Variants in GSE1 observed in about 807,000 individuals in gnomAD.
GSE1 encodes genetic suppressor element 1.
A neutral mutation model predicts 112.6 loss-of-function variants in GSE1; 32 were observed. The observed-to-expected ratio is 0.28, with a 90% CI of 0.21 to 0.38. The LOEUF is 0.38. Ranked by LOEUF, GSE1 falls within the 10% of genes least tolerant of loss-of-function variation. The pLI, the probability that GSE1 is intolerant of heterozygous loss-of-function variation, is 1.00. For missense variants in GSE1, 2,348 were observed against 1,699.2 expected (o/e 1.38, Z -6.71); for synonymous variants, 1,115 against 735.6 (o/e 1.52, Z -8.35).
At chr16:85,580,537 G>T (rs1297538639) in intron 1 of GSE1, among the ~76,000 whole-genome samples, 1 of 152,196 alleles carries the variant, frequency 6.6e-6, no homozygotes, top group Admixed American at 6.5e-5. Context: ...TTTGAGACAT[G>T]CCCCAGCGAT....
At chr16:85,344,313 G>T (rs1001872383) in intron 1 of GSE1, among the ~76,000 whole-genome samples, 1 of 152,186 alleles carries the variant, frequency 6.6e-6, no homozygotes, top group Admixed American at 6.5e-5. Flanking sequence ...GGACTCCTAG[G>T]CAGTTGGCAA....
At chr16:85,389,587 G>C (rs1255577091) in intron 2 of GSE1, among the ~76,000 whole-genome samples, 1 of 152,096 alleles carries the variant, frequency 6.6e-6, no homozygotes, top group Non-Finnish European at 1.5e-5. Flanking sequence ...TCTTCCCGTG[G>C]CCATGTCTCT....
chr16:85,371,846 C>A (rs2047307913), intron 2 of GSE1, among the ~76,000 whole-genome samples: 1 of 152,200 alleles, frequency 6.6e-6, no homozygotes, highest in Admixed American at 6.5e-5. Context: ...TGGTGCCAAG[C>A]CTAGAACCTG....
intron 2 of GSE1, among the ~76,000 whole-genome samples, chr16:85,637,843 C>T (rs532271932): frequency 7.9e-5 from 12 of 151,790 alleles, no homozygotes; most frequent in Admixed American, 2.0e-4. Flanking sequence ...CAAGCCCCAG[C>T]GGGCTAGCGG....
At chr16:85,334,780 G>A (rs764064795) in intron 1 of GSE1, among the ~76,000 whole-genome samples, 10 of 152,212 alleles carry the variant, frequency 6.6e-5, no homozygotes, top group Non-Finnish European at 1.2e-4. Flanking sequence ...ATTCACTGCC[G>A]GTTATTCTGA....
In GSE1 at chr16:85,437,405, AAGACCCGGG is replaced by A. The variant is rs11275444; in HGVS notation, c.2464+79763_2464+79771del. ...TATTTCTAGAAAGCAGGATGTTGCC[AAGACCCGGG>A]GCCTCCTGCTGGACCGGGAGGCAGC... On this transcript the variant is annotated intron_variant, in intron 2 of 2. Coordinates refer to the GSE1 transcript ENST00000637419. Among the ~76,000 whole-genome samples, 638 of 152,298 alleles carry A rather than the reference AAGACCCGGG, an allele frequency of 4.2e-3. 4 individuals are homozygous for A. The highest frequency in any genetic ancestry group is 0.015 in the African/African-American group (610 of 41,550).
chr16:85,260,443 G>A (rs924489727), intron 1 of GSE1, among the ~76,000 whole-genome samples: 36 of 148,262 alleles, frequency 2.4e-4, no homozygotes, highest in Admixed American at 1.6e-3. Context: ...CTGCTTCAGC[G>A]TCCCAAGTCG....
chr16:85,339,053 C>T (rs2046566205), intron 1 of GSE1, among the ~76,000 whole-genome samples: 1 of 152,212 alleles, frequency 6.6e-6, no homozygotes, highest in African/African-American at 2.4e-5. Flanking sequence ...CTGTGACTGT[C>T]ATGGGCAGGT....
intron 1 of GSE1, among the ~76,000 whole-genome samples, chr16:85,213,007 A>G (rs960729420): frequency 1.3e-5 from 2 of 151,936 alleles, no homozygotes; most frequent in African/African-American, 4.8e-5. Flanking sequence ...GTGGTGGCTC[A>G]CTCCTGTAAT....
Position 85,634,278 on chromosome 16 carries a change from G to C in GSE1, c.226+146G>C, listed in dbSNP as rs540823524. On this transcript the variant is annotated intron_variant, in intron 2 of 15. Transcript: ENST00000253458. The stretch of plus-strand genomic sequence containing the variant: ...GCATGGAGCAGGCAGTGCTGGCTGA[G>C]CTACAGACCCTGGGCCAGTCCGCCT... The C allele has an allele frequency of 5.0e-6, 3 of 595,802 alleles. No individual in the cohort carries two copies. The East Asian group carries it at 1.1e-4, about 21-fold the overall frequency. The allele number at this position is 595,802 out of a possible 1,614,324, so 36.9% of individuals were successfully genotyped here. A position where few individuals can be genotyped will look rare whatever the true frequency, so the allele number is the denominator to read the frequency against.
At position 85,615,520 on chromosome 16, in the gene GSE1, C is replaced by T. The variant is rs141704859; in HGVS notation, c.7+2122C>T. On this transcript the variant is annotated intron_variant, in intron 1 of 15. Transcript: ENST00000253458. ...GGTTTTGACGCTTGGAGTTTTCTTT[C>T]CTGGAGCCTTGGGGGCGGTGCCGGG... Among the ~76,000 whole-genome samples the T allele has an allele frequency of 5.9e-4, 89 of 151,772 alleles. 1 individual carries two copies. Among genetic ancestry groups the T allele is most frequent in the African/African-American group, 1.9e-3 (76 of 41,072 alleles).
At chr16:85,242,177 C>A (rs141600605) in intron 1 of GSE1, among the ~76,000 whole-genome samples, 1 of 152,190 alleles carries the variant, frequency 6.6e-6, no homozygotes, top group African/African-American at 2.4e-5. Flanking sequence ...CAGAGGCCCT[C>A]GCTTCCTCTC....
At position 85,661,536 on chromosome 16, in the gene GSE1, G is replaced by C. The variant is rs2052432433; in HGVS notation, c.2031G>C (p.Glu677Asp). Residue 677 changes from glutamate (E) to aspartate (D), a missense_variant, in exon 9 of 16, where the codon GAG becomes GAC. Physicochemically the swap from Glu to Asp is conservative, Grantham distance 45. Coordinates refer to ENST00000253458, the MANE Select transcript of GSE1 (RefSeq NM_014615.5). ...CCGGGCCCGGGCCCTTCCTGGCTGA[G>C]CTCGAGAAGTCCACCCAGACCATCC... ...FLPGPGPFLAELEKSTQTILG... is the reference protein window; with the variant it reads ...FLPGPGPFLADLEKSTQTILG... 2 of 1,612,012 alleles carry C rather than the reference G, an allele frequency of 1.2e-6. No homozygotes were observed. The highest frequency in any genetic ancestry group is 1.7e-6 in the Non-Finnish European group (2 of 1,179,724).
In GSE1 at chr16:85,675,451, G is replaced by C. The variant is rs533294704; in HGVS notation, c.*2912G>C. The C allele has an allele frequency of 6.6e-6, 1 of 152,210 alleles. No homozygotes were observed. Among genetic ancestry groups the C allele is most frequent in the African/African-American group, 2.4e-5 (1 of 41,448 alleles). The allele number at this position is 152,210 out of a possible 1,614,324, so 9.4% of individuals were successfully genotyped here. A position where few individuals can be genotyped will look rare whatever the true frequency, so the allele number is the denominator to read the frequency against. The stretch of plus-strand genomic sequence containing the variant: ...TGTCTCAGATAAGTGACCAAGACGG[G>C]ACTTTCCACATTTTAGTCTACATTC... On this transcript the variant is annotated 3_prime_UTR_variant, in exon 16 of 16. Transcript: ENST00000253458.
chr16:85,648,916 C>T (rs1410925525), intron 3 of GSE1, among the ~76,000 whole-genome samples, 165 bp downstream of exon 3: 1 of 152,146 alleles, frequency 6.6e-6, no homozygotes, highest in Non-Finnish European at 1.5e-5. Context: ...GTGACAGCGG[C>T]ACCCTCCTGG....
At chr16:85,281,124 G>A (rs1167441453) in intron 1 of GSE1, among the ~76,000 whole-genome samples, 8 of 152,086 alleles carry the variant, frequency 5.3e-5, no homozygotes, top group Non-Finnish European at 1.5e-5. Context: ...CGATGCAAAC[G>A]GCCTCTCTCA....
At chr16:85,186,354 C>T (rs1397027374) in intron 1 of GSE1, among the ~76,000 whole-genome samples, 1 of 152,082 alleles carries the variant, frequency 6.6e-6, no homozygotes, top group Non-Finnish European at 1.5e-5. Context: ...CCTGTAATCC[C>T]AGCATTTTAC....
At chr16:85,514,525 C>T (rs567786748) in intron 2 of GSE1, among the ~76,000 whole-genome samples, 33 of 152,126 alleles carry the variant, frequency 2.2e-4, no homozygotes, top group Non-Finnish European at 2.8e-4. Flanking sequence ...TGTGTAGCCC[C>T]CTTGCCTGGG....
intron 1 of GSE1, among the ~76,000 whole-genome samples, chr16:85,572,587 G>T (rs1031244729): frequency 6.6e-6 from 1 of 152,168 alleles, no homozygotes; most frequent in Non-Finnish European, 1.5e-5. Context: ...GGCTGTGTGT[G>T]AGCACAGTGT....
Sources: gnomAD v4.1 joint callset for allele counts (sites outside exome capture counted in the v4.1 genomes callset) on GRCh38, gnomAD v4.1.1 for gene constraint, MANE v1.5 for transcripts, NCBI Gene and HGNC (gene_info 2026-07-23, HGNC 2026-07-21) for gene names.